Variants in TXNDC11 observed in about 807,000 individuals in gnomAD.
TXNDC11 encodes thioredoxin domain containing 11.
In TXNDC11, 68 loss-of-function variants were observed where a neutral mutation model predicts 78.0. The ratio of observed to expected loss-of-function variants is 0.87; its 90% CI spans 0.72 to 1.07. The LOEUF (loss-of-function observed/expected upper bound fraction) is 1.07. Ranked by LOEUF, TXNDC11 falls within the 50% of genes least tolerant of loss-of-function variation. The pLI, the probability that TXNDC11 is intolerant of heterozygous loss-of-function variation, is 0.00. For missense variants in TXNDC11, 1,389 were observed against 1,221.8 expected (o/e 1.14, Z -2.04); for synonymous variants, 571 against 495.2 (o/e 1.15, Z -2.03).
chr16:11,734,258 TACTC>T, intron 2 of TXNDC11, among the ~76,000 whole-genome samples, 179 bp from the exon 3 acceptor site: 1 of 152,196 alleles, frequency 6.6e-6, no homozygotes, highest in African/African-American at 2.4e-5. Context: ...AAGAAAGACA[TACTC>T]TTATCTATGA....
intron 11 of TXNDC11, among the ~76,000 whole-genome samples, chr16:11,683,675 A>G (rs908920591): frequency 5.9e-5 from 9 of 152,126 alleles, no homozygotes; most frequent in Non-Finnish European, 8.8e-5. Flanking sequence ...ATAGACTGGG[A>G]AAAACAACCT....
chr16:11,735,990 G>T, intron 2 of TXNDC11, 27 bp downstream of exon 2: 2 of 1,607,984 alleles, frequency 1.2e-6, no homozygotes, highest in South Asian at 2.2e-5. Flanking sequence ...ACAGTCATTT[G>T]ATTCTTAAGC....
intron 5 of TXNDC11, chr16:11,703,550 A>G: frequency 6.8e-6 from 4 of 589,550 alleles, no homozygotes; most frequent in East Asian, 3.0e-5. Flanking sequence ...ACACAGAGGG[A>G]GAGAGAGGGG....
chr16:11,722,349 T>G (rs1309406082), intron 4 of TXNDC11, among the ~76,000 whole-genome samples: 4 of 152,232 alleles, frequency 2.6e-5, no homozygotes, highest in Non-Finnish European at 5.9e-5. Flanking sequence ...GGGCGTAGAA[T>G]GCCCCTTCAT....
At chr16:11,704,714 G>A (rs2051129866) in intron 5 of TXNDC11, among the ~76,000 whole-genome samples, 1 of 152,154 alleles carries the variant, frequency 6.6e-6, no homozygotes, top group African/African-American at 2.4e-5. Flanking sequence ...CTTCAGAAGT[G>A]TCAAGGTTAT....
At chr16:11,696,516 C>G in intron 7 of TXNDC11, among the ~76,000 whole-genome samples, 1 of 152,242 alleles carries the variant, frequency 6.6e-6, no homozygotes, top group East Asian at 1.9e-4. Context: ...CAGCACAGTG[C>G]TCAGTAAACA....
At position 11,742,678 on chromosome 16, in the gene TXNDC11, T is replaced by G. The variant is rs570838425; in HGVS notation, c.53A>C (p.Glu18Ala). The G allele has an allele frequency of 7.5e-6, 11 of 1,469,946 alleles. No homozygotes were observed. The African/African-American group carries it at 1.6e-4, about 22-fold the overall frequency. 91.1% of individuals were successfully genotyped at this position (1,469,946 alleles called of 1,614,324 possible). The change falls in exon 1 of 12, where the codon GAG (glutamate) becomes GCG (alanine). Residue 18 changes from glutamate (E) to alanine (A), a missense_variant. Physicochemically the swap from Glu to Ala is moderately radical, Grantham distance 107. Transcript: ENST00000283033. ...GCCGCCGCCGCCCCCTCCCTCGTCC[T>G]CGGCGTCCTCGCTGCTGCTGCTGCC... ...GGGSSSSEDA[E>A]DEGGGGGGPA...
intron 5 of TXNDC11, among the ~76,000 whole-genome samples, chr16:11,713,275 T>C (rs2141065766): frequency 7.2e-6 from 1 of 138,940 alleles, no homozygotes; most frequent in South Asian, 2.4e-4. Context: ...AGTGAGACTC[T>C]GTCTCAAAAA....
chr16:11,742,568 C>A lies in TXNDC11; in HGVS notation c.163G>T (p.Ala55Ser). The change falls in exon 1 of 12, where the codon GCC becomes TCC. Residue 55 changes from alanine to serine, a missense_variant. Transcript: ENST00000283033. The part of the protein sequence containing the change: ...AGRLRRGLRG[A>S]FLMARQRPEL... ...GGCCGCTGGCGCGCCATGAGGAAGG[C>A]GCCACGCAGCCCGCGACGGAGCCGG... 6.9e-7 allele frequency: 1 copy of A among 1,456,920 alleles called. No individual in the cohort carries two copies. The highest frequency in any genetic ancestry group is 9.0e-7 in the Non-Finnish European group (1 of 1,110,986). The allele number at this position is 1,456,920 out of a possible 1,614,324, so 90.2% of individuals were successfully genotyped here. A position where few individuals can be genotyped will look rare whatever the true frequency, so the allele number is the denominator to read the frequency against.
intron 2 of TXNDC11, among the ~76,000 whole-genome samples, chr16:11,734,334 T>C (rs893488692): frequency 6.6e-6 from 1 of 152,236 alleles, no homozygotes; most frequent in Non-Finnish European, 1.5e-5. Flanking sequence ...TCAAAAGATT[T>C]CTGTGTGTTT....
intron 5 of TXNDC11, among the ~76,000 whole-genome samples, chr16:11,714,365 G>A (rs1327006262): frequency 6.6e-6 from 1 of 152,150 alleles, no homozygotes; most frequent in Admixed American, 6.5e-5. Flanking sequence ...ATCTGGCCGC[G>A]CTCGTTGGCT....
intron 5 of TXNDC11, among the ~76,000 whole-genome samples, chr16:11,717,085 T>A (rs1597465535): frequency 1.5e-5 from 2 of 137,006 alleles, no homozygotes; most frequent in Admixed American, 7.2e-5. Flanking sequence ...GAAAATAAAC[T>A]AATATAGTCA....
At chr16:11,735,989 T>C in intron 2 of TXNDC11, 28 bp downstream of exon 2, 1 of 1,609,068 alleles carries the variant, frequency 6.2e-7, no homozygotes, top group Non-Finnish European at 8.5e-7. Flanking sequence ...GACAGTCATT[T>C]GATTCTTAAG....
At chr16:11,686,201 G>A (rs541184421) in intron 10 of TXNDC11, among the ~76,000 whole-genome samples, 56 of 152,222 alleles carry the variant, frequency 3.7e-4, no homozygotes, top group African/African-American at 1.3e-3. Flanking sequence ...CAGGTGATCC[G>A]CCCACCTCGG....
rs565401031 is a variant in TXNDC11 at position 11,691,975 on chromosome 16, G to A, written c.1215C>T (p.Ala405=). The change falls in exon 8 of 12, where the codon GCC becomes GCT. Residue 405 remains alanine, a synonymous_variant. Transcript: ENST00000283033. ...RVDAPVLESL[A]LEVPAQLPDP... ...CTGGCAGCTGTGCCGGCACTTCCAG[G>A]GCCAGGGACTCCAGCACTGGAGCAT... is the stretch of plus-strand genomic sequence containing the variant. The A allele has an allele frequency of 1.2e-6, 2 of 1,604,374 alleles. No individual in the cohort carries two copies. Among genetic ancestry groups the A allele is most frequent in the Non-Finnish European group, 1.7e-6 (2 of 1,174,160 alleles).
At chr16:11,700,671 T>G (rs2050987486) in intron 5 of TXNDC11, 107 bp from the exon 6 acceptor site, 2 of 590,686 alleles carry the variant, frequency 3.4e-6, no homozygotes, top group East Asian at 5.9e-5. Context: ...CTAAGCTCCT[T>G]CTGGTAACCT....
rs746033646 is a variant in TXNDC11 at position 11,742,757 on chromosome 16, ACCG to A, written c.-30_-28del. The A allele has an allele frequency of 4.0e-5, 58 of 1,433,648 alleles. No individual in the cohort carries two copies. The highest frequency in any genetic ancestry group is 2.2e-4 in the Middle Eastern group (1 of 4,484). The allele number at this position is 1,433,648 out of a possible 1,614,324, so 88.8% of individuals were successfully genotyped here. A position where few individuals can be genotyped will look rare whatever the true frequency, so the allele number is the denominator to read the frequency against. On this transcript the variant is annotated 5_prime_UTR_variant, in exon 1 of 12. Coordinates refer to ENST00000283033, the MANE Select transcript of TXNDC11 (RefSeq NM_015914.7). ...ACATGCTCCCAGTCGCCGGCTTTATACCGCCGCCGCCGCCTCGGGCCCGAAGGC... is the reference window on the plus strand; with the variant it reads ...ACATGCTCCCAGTCGCCGGCTTTATACCGCCGCCGCCTCGGGCCCGAAGGC...
intron 10 of TXNDC11, among the ~76,000 whole-genome samples, 166 bp downstream of exon 10, chr16:11,687,691 T>C (rs540712694): frequency 6.6e-6 from 1 of 152,366 alleles, no homozygotes; most frequent in African/African-American, 2.4e-5. Flanking sequence ...AAAAGTTCAG[T>C]TTCAAAGAGG....
At chr16:11,727,078 A>G (rs2051904735) in intron 4 of TXNDC11, among the ~76,000 whole-genome samples, 1 of 152,194 alleles carries the variant, frequency 6.6e-6, no homozygotes, top group Non-Finnish European at 1.5e-5. Context: ...TCAATAGAGA[A>G]TATTATGTAT....
Sources: allele counts gnomAD v4.1 joint callset (sites outside exome capture counted in the v4.1 genomes callset), GRCh38; gene constraint gnomAD v4.1.1; transcripts MANE v1.5; gene names NCBI Gene and HGNC (gene_info 2026-07-23, HGNC 2026-07-21).